Variants in CD300LG observed in about 807,000 individuals in gnomAD.
CD300LG encodes CMRF35-like molecule 9.
Under a neutral mutation model 31.5 loss-of-function variants are expected in CD300LG, and 29 were observed. The ratio of observed to expected loss-of-function variants is 0.92; its 90% confidence interval spans 0.68 to 1.25. The LOEUF is 1.25. Ranked by LOEUF, CD300LG falls within the 50% of genes most tolerant of loss-of-function variation. The probability of loss-of-function intolerance (pLI) is 0.00; values close to 1 mark genes in which losing one functional copy is unlikely to be tolerated. For synonymous variants in CD300LG, 175 were observed against 177.2 expected (o/e 0.99, Z 0.10); for missense variants, 396 against 417.6 (o/e 0.95, Z 0.45).
rs983407545 is a variant in CD300LG, at chr17:43,862,124, G to A, written c.*213G>A. On this transcript the variant is annotated 3_prime_UTR_variant, in exon 7 of 7. Coordinates refer to ENST00000317310, the MANE Select transcript of CD300LG (RefSeq NM_145273.4). ...CCCAGAGCGGTGGCCTTGCTCTTCC[G>A]GCTGGAGACTGGGACATCCCTGATA... 4.9e-5 allele frequency: 21 copies of A among 430,406 alleles called. No homozygotes were observed. Among genetic ancestry groups the A allele is most frequent in the South Asian group, 1.5e-4 (4 of 26,018 alleles). 26.7% of individuals were successfully genotyped at this position (430,406 alleles called of 1,614,324 possible). A position where few individuals can be genotyped will look rare whatever the true frequency, so the allele number is the denominator to read the frequency against.
chr17:43,858,659 T>A, intron 6 of CD300LG: 1 of 985,432 alleles, frequency 1.0e-6, no homozygotes, highest in Non-Finnish European at 1.2e-6. Flanking sequence ...ATCAGGTGGG[T>A]GCTTCTGCTT....
intron 4 of CD300LG, among the ~76,000 whole-genome samples, 155 bp from the exon 5 acceptor site, chr17:43,855,052 C>G (rs1042969742): frequency 1.5e-5 from 2 of 130,382 alleles, no homozygotes; most frequent in African/African-American, 2.8e-5. Context: ...CTAAATACCA[C>G]CCCCCCGCAC....
chr17:43,855,967 G>A (rs540568254), intron 5 of CD300LG, among the ~76,000 whole-genome samples: 1 of 152,108 alleles, frequency 6.6e-6, no homozygotes, highest in South Asian at 2.1e-4. Flanking sequence ...TTAGACATAG[G>A]GTCTAACTCT....
At chr17:43,857,012 C>G (rs1395534122) in intron 5 of CD300LG, 92 bp from the exon 6 acceptor site, 1 of 1,306,128 alleles carries the variant, frequency 7.7e-7, no homozygotes, top group East Asian at 2.3e-5. Context: ...CTCCCGTGTG[C>G]AAGGGGGCCA....
chr17:43,861,537 T>A (rs1436925651), intron 6 of CD300LG, among the ~76,000 whole-genome samples: 2 of 151,726 alleles, frequency 1.3e-5, no homozygotes, highest in African/African-American at 4.8e-5. Flanking sequence ...TGCACTGCCC[T>A]CAAGGCCACA....
At chr17:43,858,070 C>T (rs2143401104) in intron 6 of CD300LG, 1 of 1,421,038 alleles carries the variant, frequency 7.0e-7, no homozygotes, top group Non-Finnish European at 9.2e-7. Context: ...ACTGAGATGC[C>T]TCCACTCCAT....
intron 4 of CD300LG, 46 bp downstream of exon 4, chr17:43,854,090 CA>C: frequency 7.0e-7 from 1 of 1,433,718 alleles, no homozygotes; most frequent in Non-Finnish European, 9.7e-7. Flanking sequence ...ATCACTAAAC[CA>C]TAAGGTGCCT....
At chr17:43,856,045 G>A (rs1167415344) in intron 5 of CD300LG, among the ~76,000 whole-genome samples, 2 of 152,102 alleles carry the variant, frequency 1.3e-5, no homozygotes, top group African/African-American at 4.8e-5. Context: ...TGGCTCAAGC[G>A]ATCCTCCTGC....
chr17:43,861,407 C>A (rs1296063442), intron 6 of CD300LG, among the ~76,000 whole-genome samples: 1 of 152,248 alleles, frequency 6.6e-6, no homozygotes, highest in Non-Finnish European at 1.5e-5. Flanking sequence ...CCATTCACAG[C>A]CATAGGCCTA....
intron 3 of CD300LG, 85 bp from the exon 4 acceptor site, chr17:43,853,722 G>C: frequency 9.1e-7 from 1 of 1,103,794 alleles, no homozygotes. Context: ...GGGAGGCTAG[G>C]GTTCAGGGGT....
At position 43,855,204 on chromosome 17, in the gene CD300LG, C is replaced by T. The variant is rs371244076; in HGVS notation, c.720-3C>T. On this transcript the variant is annotated splice_polypyrimidine_tract_variant and splice_region_variant and intron_variant, in intron 4 of 6. Transcript: ENST00000317310. ...CACTAGGCTCCTTGCGTCTCGTCTCCAGGGTGTCCATCCCGATGGTCCGCA... is the reference window on the plus strand; with the variant it reads ...CACTAGGCTCCTTGCGTCTCGTCTCTAGGGTGTCCATCCCGATGGTCCGCA... 6.3e-7 allele frequency: 1 copy of T among 1,599,156 alleles called. No homozygotes were observed. Among genetic ancestry groups the T allele is most frequent in the Non-Finnish European group, 8.5e-7 (1 of 1,173,240 alleles).
intron 6 of CD300LG, chr17:43,857,658 C>T: frequency 8.4e-7 from 1 of 1,186,824 alleles, no homozygotes; most frequent in Non-Finnish European, 1.2e-6. Flanking sequence ...GCTACAAACT[C>T]TAGTGTGCTT....
rs753827833 is a variant in CD300LG at position 43,847,186 on chromosome 17, G to A, written c.-31G>A. The A allele has an allele frequency of 6.2e-7, 1 of 1,612,724 alleles. No homozygotes were observed. The highest frequency in any genetic ancestry group is 1.1e-5 in the South Asian group (1 of 90,942). ...ACTGAAGAGGAGCTCACAGTTCCCA[G>A]CGTCTGCTCCCACGGTGTCCAGCGC... On this transcript the variant is annotated 5_prime_UTR_variant, in exon 1 of 7. Transcript: ENST00000317310.
At chr17:43,857,883 C>T (rs1434858700) in intron 6 of CD300LG, 2 of 1,536,838 alleles carry the variant, frequency 1.3e-6, no homozygotes, top group Admixed American at 3.9e-5. Context: ...GCTCTGGGGA[C>T]CAGGGGCAAG....
intron 3 of CD300LG, 87 bp from the exon 4 acceptor site, chr17:43,853,720 A>G: frequency 1.9e-6 from 2 of 1,072,194 alleles, no homozygotes; most frequent in Non-Finnish European, 2.8e-6. Flanking sequence ...CAGGGAGGCT[A>G]GGGTTCAGGG....
intron 6 of CD300LG, among the ~76,000 whole-genome samples, chr17:43,858,891 G>T (rs1314397171): frequency 1.3e-5 from 2 of 152,140 alleles, no homozygotes; most frequent in Non-Finnish European, 2.9e-5. Flanking sequence ...TAGAAGGACT[G>T]CCATCCATCC....
intron 6 of CD300LG, chr17:43,857,638 C>A (rs2046563532): frequency 8.8e-7 from 1 of 1,138,140 alleles, no homozygotes; most frequent in Non-Finnish European, 1.3e-6. Flanking sequence ...GGTCCAGGGA[C>A]TCTGGCAGTG....
At chr17:43,860,121 C>A (rs1283418590) in intron 6 of CD300LG, among the ~76,000 whole-genome samples, 1 of 152,190 alleles carries the variant, frequency 6.6e-6, no homozygotes, top group Non-Finnish European at 1.5e-5. Flanking sequence ...AGAAGCTGGG[C>A]CCCGGTTAGT....
At chr17:43,860,243 C>T (rs1484391749) in intron 6 of CD300LG, among the ~76,000 whole-genome samples, 1 of 152,122 alleles carries the variant, frequency 6.6e-6, no homozygotes, top group East Asian at 1.9e-4. Flanking sequence ...GTATGAGTCC[C>T]AGCTCAGCCA....
Sources: allele counts gnomAD v4.1 joint callset (sites outside exome capture counted in the v4.1 genomes callset), GRCh38; gene constraint gnomAD v4.1.1; transcripts MANE v1.5; gene names NCBI Gene and HGNC (gene_info 2026-07-23, HGNC 2026-07-21).